Variants in ACSL6 observed in about 807,000 individuals in gnomAD.
The protein encoded by ACSL6 is long-chain-fatty-acid--CoA ligase 6.
Under a neutral mutation model 98.2 loss-of-function variants are expected in ACSL6, and 47 were observed. The observed-to-expected ratio is 0.48, with a 90% CI of 0.38 to 0.61. ACSL6 has a LOEUF of 0.61. Ranked by LOEUF, ACSL6 falls within the 20% of genes least tolerant of loss-of-function variation. ACSL6 has a pLI of 0.00. For synonymous variants in ACSL6, 362 were observed against 336.9 expected (o/e 1.07, Z -0.82); for missense variants, 761 against 913.4 (o/e 0.83, Z 2.15).
At chr5:131,956,195 A>G (rs1752393745) in intron 20 of ACSL6, among the ~76,000 whole-genome samples, 1 of 152,192 alleles carries the variant, frequency 6.6e-6, no homozygotes, top group Admixed American at 6.5e-5. Flanking sequence ...TAAAAAATAC[A>G]GTACTGGAAA....
rs779148801 is a variant in ACSL6 at position 131,990,899 on chromosome 5, A to G, written c.339T>C (p.Asp113=). ...GGAACACCTGGTACATGGTCCGGGC[A>G]TCATCATAGTAGTGGGTAAGTAGCT... ...GPQLLTHYYD[D]ARTMYQVFRR... is the part of the protein sequence containing the mutation. Residue 113 remains aspartate (D), a synonymous_variant, in exon 3 of 21, where the codon GAT becomes GAC. Coordinates refer to ENST00000651883, the MANE Select transcript of ACSL6 (RefSeq NM_001009185.3). 2.5e-6 allele frequency: 4 copies of G among 1,611,712 alleles called. No homozygotes were observed. In the South Asian group the frequency reaches 3.3e-5, roughly 13 times the overall value.
intron 1 of ACSL6, among the ~76,000 whole-genome samples, chr5:132,004,101 G>A (rs1755247333): frequency 6.6e-6 from 1 of 152,160 alleles, no homozygotes; most frequent in Non-Finnish European, 1.5e-5. Flanking sequence ...TGCCACAAGT[G>A]CCCTCGAGTG....
intron 16 of ACSL6, among the ~76,000 whole-genome samples, 192 bp downstream of exon 16, chr5:131,967,748 C>A (rs1179168952): frequency 1.3e-5 from 2 of 151,842 alleles, no homozygotes; most frequent in Non-Finnish European, 2.9e-5. Flanking sequence ...TAAACCAGCT[C>A]AGTCCCAGCA....
In ACSL6 at chr5:131,951,769, A is replaced by C. The variant is rs917196601; in HGVS notation, c.*2465T>G. 3 of 161,352 alleles carry C rather than the reference A, an allele frequency of 1.9e-5. No homozygotes were observed. Among genetic ancestry groups the C allele is most frequent in the African/African-American group, 7.2e-5 (3 of 41,668 alleles). The allele number at this position is 161,352 out of a possible 1,614,324, so 10.0% of individuals were successfully genotyped here. A position where few individuals can be genotyped will look rare whatever the true frequency, so the allele number is the denominator to read the frequency against. ...CCCGGCTAATTTTTTGTATTTTTTT[A>C]GTAGAGACGGGGTTTCACTGTGTTA... On this transcript the variant is annotated 3_prime_UTR_variant, in exon 21 of 21. Coordinates refer to ENST00000651883, the MANE Select transcript of ACSL6 (RefSeq NM_001009185.3).
upstream of ACSL6, chr5:132,011,664 GTA>G (rs1170330016): frequency 2.4e-6 from 3 of 1,262,852 alleles, no homozygotes; most frequent in Non-Finnish European, 3.0e-6. The surrounding 1 kb of genome is among the most constrained non-coding windows in gnomAD (Gnocchi z 5.4). Flanking sequence ...CCGCTGCCGG[GTA>G]TTTTTAGCCC....
At chr5:131,987,879 C>T (rs1020768197) in intron 7 of ACSL6, among the ~76,000 whole-genome samples, 169 bp downstream of exon 7, 7 of 152,164 alleles carry the variant, frequency 4.6e-5, no homozygotes, top group African/African-American at 1.7e-4. Flanking sequence ...TGGGCACCAA[C>T]CCCACCACTC....
rs184156675 is a variant in ACSL6 at position 131,988,028 on chromosome 5, G to A, written c.831+20C>T. 1,142 of 1,610,166 alleles carry A rather than the reference G, an allele frequency of 7.1e-4. 3 individuals carry two copies. Among genetic ancestry groups the A allele is most frequent in the Non-Finnish European group, 9.1e-4 (1,072 of 1,177,376 alleles). On this transcript the variant is annotated intron_variant, in intron 7 of 20. Coordinates refer to ENST00000651883, the MANE Select transcript of ACSL6 (RefSeq NM_001009185.3). ...CCAGCCAGCAGTAGCCCAGCAAACCGCCCAGAAGCAGACCCTCACCTCCAC... is the reference window on the plus strand; with the variant it reads ...CCAGCCAGCAGTAGCCCAGCAAACCACCCAGAAGCAGACCCTCACCTCCAC...
At chr5:132,005,702 G>A (rs1755369287) in intron 1 of ACSL6, among the ~76,000 whole-genome samples, 1 of 152,210 alleles carries the variant, frequency 6.6e-6, no homozygotes, top group African/African-American at 2.4e-5. Context: ...AGTCCCACGG[G>A]GGAGTCTCAG....
Position 131,954,981 on chromosome 5 carries a change from A to G in ACSL6, c.2032-610T>C, listed in dbSNP as rs1276658594. 2.0e-5 allele frequency among the ~76,000 whole-genome samples: 3 copies of G among 152,166 alleles called. 1 individual carries two copies. The highest frequency in any genetic ancestry group is 4.4e-5 in the Non-Finnish European group (3 of 68,028). On this transcript the variant is annotated intron_variant, in intron 20 of 20. Coordinates refer to ENST00000651883, the MANE Select transcript of ACSL6 (RefSeq NM_001009185.3). The stretch of plus-strand genomic sequence containing the variant: ...GGCAAAGAGTGTGAGGGATGAAGCT[A>G]AAGTGGTAGATGAGCCATTTTATGG...
intron 17 of ACSL6, among the ~76,000 whole-genome samples, chr5:131,964,932 G>A (rs1252438465): frequency 6.6e-6 from 1 of 152,158 alleles, no homozygotes; most frequent in Admixed American, 6.5e-5. Context: ...GTCCTCCTCT[G>A]CCTCTCCCGA....
rs909900688 is a variant in ACSL6 at position 131,951,281 on chromosome 5, A to C, written c.*2953T>G. Reference sequence around the variant, plus strand: ...CATCGTAAGTACATCACCTTTTTCTATCTCTGTTAATGAGAAATACAGATT... The same window carrying C: ...CATCGTAAGTACATCACCTTTTTCTCTCTCTGTTAATGAGAAATACAGATT... On this transcript the variant is annotated 3_prime_UTR_variant, in exon 21 of 21. Coordinates refer to ENST00000651883, the MANE Select transcript of ACSL6 (RefSeq NM_001009185.3). 1.9e-5 allele frequency: 4 copies of C among 208,574 alleles called. No homozygotes were observed. The highest frequency in any genetic ancestry group is 1.9e-4 in the South Asian group (1 of 5,298). The allele number at this position is 208,574 out of a possible 1,614,324, so 12.9% of individuals were successfully genotyped here.
intron 18 of ACSL6, 137 bp downstream of exon 18, chr5:131,962,398 T>C (rs1752757674): frequency 9.9e-7 from 1 of 1,007,132 alleles, no homozygotes; most frequent in Non-Finnish European, 1.4e-6. Flanking sequence ...AAGTAAGATT[T>C]CTCCTTTAAA....
intron 3 of ACSL6, 76 bp downstream of exon 3, chr5:131,990,777 C>A: frequency 7.2e-7 from 1 of 1,383,498 alleles, no homozygotes; most frequent in South Asian, 1.2e-5. Context: ...TGGTATCATG[C>A]TTGCATACCC....
chr5:131,995,440 C>A (rs1754748631), intron 1 of ACSL6, among the ~76,000 whole-genome samples: 1 of 152,128 alleles, frequency 6.6e-6, no homozygotes, highest in Admixed American at 6.5e-5. Flanking sequence ...GCTAGAGGCA[C>A]CTACAGGTCT....
chr5:131,992,848 A>G (rs1329221800), intron 2 of ACSL6, among the ~76,000 whole-genome samples: 1 of 152,202 alleles, frequency 6.6e-6, no homozygotes, highest in African/African-American at 2.4e-5. Flanking sequence ...AACCAAAAAC[A>G]GCTGTCCTTA....
At chr5:131,979,390 T>C (rs1753782633) in intron 9 of ACSL6, among the ~76,000 whole-genome samples, 1 of 152,118 alleles carries the variant, frequency 6.6e-6, no homozygotes, top group Admixed American at 6.5e-5. Context: ...GAACTCAGGG[T>C]GAATGGTGTA....
chr5:132,010,974 A>G (rs1212705021), intron 1 of ACSL6, among the ~76,000 whole-genome samples: 1 of 152,096 alleles, frequency 6.6e-6, no homozygotes, highest in Non-Finnish European at 1.5e-5. Context: ...AGAGCAGAGG[A>G]GCCAGGTGAA....
chr5:131,965,405 T>C (rs2149701323), intron 17 of ACSL6, among the ~76,000 whole-genome samples: 1 of 152,368 alleles, frequency 6.6e-6, no homozygotes, highest in South Asian at 2.1e-4. Context: ...TTTTTCTTTC[T>C]TTTATTAAAA....
intron 1 of ACSL6, among the ~76,000 whole-genome samples, chr5:131,995,263 T>A: frequency 6.6e-6 from 1 of 152,102 alleles, no homozygotes; most frequent in African/African-American, 2.4e-5. Context: ...GGCATCCTCC[T>A]CTCGGCCACT....
Sources: allele counts gnomAD v4.1 joint callset (sites outside exome capture counted in the v4.1 genomes callset), GRCh38; gene constraint gnomAD v4.1.1; non-coding constraint Gnocchi (gnomAD v3.1); transcripts MANE v1.5; gene names NCBI Gene and HGNC (gene_info 2026-07-23, HGNC 2026-07-21).